The following ANKS1B variants were observed in gnomAD, a reference collection of about 807,000 sequenced individuals.
ANKS1B encodes ankyrin repeat and sterile alpha motif domain-containing protein 1B.
A neutral mutation model predicts 148.3 loss-of-function variants in ANKS1B; 36 were observed. That is an observed-to-expected ratio of 0.24 (90% CI 0.19 to 0.32). ANKS1B has a LOEUF of 0.32. ANKS1B is among the 10% of genes least tolerant of loss of function. ANKS1B has a pLI of 1.00. For missense variants in ANKS1B, 1,157 were observed against 1,542.6 expected, an observed-to-expected ratio of 0.75 and a Z score of 4.19; for synonymous variants, 542 against 560.8, an observed-to-expected ratio of 0.97 and a Z score of 0.47.
At chr12:99,454,065 G>T (rs1363579918) in intron 10 of ANKS1B, among the ~76,000 whole-genome samples, 1 of 152,212 alleles carries the variant, frequency 6.6e-6, no homozygotes, top group East Asian at 1.9e-4. Context: ...CAGGGCAGAA[G>T]CATGAACGAG....
intron 17 of ANKS1B, among the ~76,000 whole-genome samples, chr12:99,037,255 G>A (rs74861946): frequency 0.063 from 9,520 of 152,188 alleles, 913 homozygotes; most frequent in African/African-American, 0.21. Context: ...TGTGGCTCAC[G>A]TCTGTAATCC....
At chr12:99,454,871 A>G (rs1245121143) in intron 10 of ANKS1B, among the ~76,000 whole-genome samples, 1 of 152,214 alleles carries the variant, frequency 6.6e-6, no homozygotes, top group African/African-American at 2.4e-5. Flanking sequence ...AGAAAATGAA[A>G]GAGAAAGGGA....
chr12:99,523,889 T>C (rs2096901151), intron 9 of ANKS1B, among the ~76,000 whole-genome samples: 1 of 152,178 alleles, frequency 6.6e-6, no homozygotes, highest in Non-Finnish European at 1.5e-5. Context: ...GATAGCAGTT[T>C]GAATTAGACG....
chr12:99,440,117 G>C (rs1167809438), intron 11 of ANKS1B, among the ~76,000 whole-genome samples: 2 of 151,738 alleles, frequency 1.3e-5, no homozygotes, highest in African/African-American at 4.8e-5. Flanking sequence ...ATAAAAATCT[G>C]AACATTCTTG....
intron 10 of ANKS1B, among the ~76,000 whole-genome samples, chr12:99,470,131 A>AATC (rs1438209939): frequency 4.6e-5 from 7 of 151,568 alleles, no homozygotes; most frequent in Non-Finnish European, 1.0e-4. Context: ...TAATAATAAT[A>AATC]ATAATAATAA....
At chr12:99,173,230 T>A (rs978968607) in intron 14 of ANKS1B, among the ~76,000 whole-genome samples, 6 of 152,212 alleles carry the variant, frequency 3.9e-5, no homozygotes, top group African/African-American at 1.4e-4. Flanking sequence ...GGATGCTTAT[T>A]TACCTTCTTG....
chr12:99,776,803 C>T (rs1003649113), intron 6 of ANKS1B, among the ~76,000 whole-genome samples: 16 of 152,076 alleles, frequency 1.1e-4, no homozygotes, highest in African/African-American at 3.9e-4. Flanking sequence ...CCTCAGCCCC[C>T]CAAGCTAGCT....
At chr12:98,907,119 A>G (rs890549615) in intron 17 of ANKS1B, among the ~76,000 whole-genome samples, 24 of 152,028 alleles carry the variant, frequency 1.6e-4, no homozygotes, top group Non-Finnish European at 3.2e-4. Context: ...ATTATTAACT[A>G]TAGTTACCAT....
intron 1 of ANKS1B, among the ~76,000 whole-genome samples, chr12:99,971,325 G>A (rs560525702): frequency 5.3e-5 from 8 of 152,172 alleles, no homozygotes; most frequent in East Asian, 3.9e-4. Flanking sequence ...CTCTGCTCTG[G>A]GCTCCTCCAT....
chr12:98,787,576 G>A (rs911313124), intron 22 of ANKS1B, among the ~76,000 whole-genome samples: 2 of 152,126 alleles, frequency 1.3e-5, no homozygotes. Context: ...GACTGTTAAA[G>A]GAACAGGCCA....
chr12:99,963,127 T>A (rs560087866), intron 1 of ANKS1B, among the ~76,000 whole-genome samples: 7 of 152,210 alleles, frequency 4.6e-5, no homozygotes, highest in African/African-American at 1.7e-4. Context: ...TTGAGCTTTT[T>A]TACCCGTGTG....
intron 9 of ANKS1B, among the ~76,000 whole-genome samples, chr12:99,547,775 G>C (rs2097184345): frequency 6.6e-6 from 1 of 152,122 alleles, no homozygotes; most frequent in Non-Finnish European, 1.5e-5. Context: ...TGTTCAAATA[G>C]TCTAAAACAT....
At chr12:99,585,347 G>C (rs1402412111) in intron 9 of ANKS1B, among the ~76,000 whole-genome samples, 1 of 152,210 alleles carries the variant, frequency 6.6e-6, no homozygotes, top group Non-Finnish European at 1.5e-5. Context: ...ACTGATGTAA[G>C]AGGCAGGCTC....
At chr12:98,895,855 G>A (rs1195725735) in intron 17 of ANKS1B, among the ~76,000 whole-genome samples, 1 of 152,084 alleles carries the variant, frequency 6.6e-6, no homozygotes, top group Non-Finnish European at 1.5e-5. Context: ...AAATGACAAG[G>A]CTTTTCTCTC....
At chr12:99,135,600 T>C (rs1041099449) in intron 15 of ANKS1B, among the ~76,000 whole-genome samples, 1 of 152,236 alleles carries the variant, frequency 6.6e-6, no homozygotes, top group Non-Finnish European at 1.5e-5. Context: ...TTGTCTTCCA[T>C]ACTCAGAAAA....
At chr12:99,886,344 A>T (rs914247473) in intron 1 of ANKS1B, among the ~76,000 whole-genome samples, 9 of 152,250 alleles carry the variant, frequency 5.9e-5, no homozygotes, top group African/African-American at 2.2e-4. Flanking sequence ...TTGTTATCAG[A>T]ATACAAGCAG....
intron 17 of ANKS1B, among the ~76,000 whole-genome samples, chr12:98,945,927 TTGTC>T (rs2099844804): frequency 6.6e-6 from 1 of 152,208 alleles, no homozygotes; most frequent in Non-Finnish European, 1.5e-5. Context: ...GTCCCTCTCT[TTGTC>T]TGTCTGGCTA....
At chr12:99,617,240 C>T (rs1429430667) in intron 9 of ANKS1B, among the ~76,000 whole-genome samples, 1 of 152,136 alleles carries the variant, frequency 6.6e-6, no homozygotes, top group Non-Finnish European at 1.5e-5. Context: ...GCAGCAATTC[C>T]TCAATGATAT....
chr12:99,526,497 G>A (rs1240623942), intron 9 of ANKS1B, among the ~76,000 whole-genome samples: 1 of 152,100 alleles, frequency 6.6e-6, no homozygotes, highest in East Asian at 1.9e-4. Context: ...TGGGAGTGTG[G>A]GTGGAGGGAA....
Sources: gnomAD v4.1 joint callset for allele counts (sites outside exome capture counted in the v4.1 genomes callset) on GRCh38, gnomAD v4.1.1 for gene constraint, MANE v1.5 for transcripts, NCBI Gene and HGNC (gene_info 2026-07-23, HGNC 2026-07-21) for gene names.